The following ZBTB20 variants were observed in gnomAD, a reference collection of about 807,000 sequenced individuals.
The protein encoded by ZBTB20 is zinc finger and BTB domain containing 20.
In ZBTB20, 9 loss-of-function variants were observed where a neutral mutation model predicts 56.9. The observed-to-expected ratio is 0.16, with a 90% CI of 0.10 to 0.28. The LOEUF is 0.28. ZBTB20 is among the 10% of genes least tolerant of loss of function. The pLI is 1.00. For synonymous variants in ZBTB20, 417 were observed against 420.7 expected (o/e 0.99, Z 0.11); for missense variants, 655 against 1,003.0 (o/e 0.65, Z 4.69).
chr3:114,469,164 T>C (rs958658733), intron 7 of ZBTB20, among the ~76,000 whole-genome samples: 3 of 152,154 alleles, frequency 2.0e-5, no homozygotes, highest in Non-Finnish European at 4.4e-5. Flanking sequence ...CATAGGCCAC[T>C]GATTTGTAAC....
chr3:114,544,473 CTTTCTTTT>C (rs1449406541), intron 6 of ZBTB20, among the ~76,000 whole-genome samples: 1 of 86,522 alleles, frequency 1.2e-5, no homozygotes, highest in African/African-American at 4.4e-5. Flanking sequence ...TTCTTTCTTT[CTTTCTTTT>C]TCTTTCACTT....
At chr3:114,667,105 C>T (rs1262871203) in intron 6 of ZBTB20, among the ~76,000 whole-genome samples, 3 of 151,908 alleles carry the variant, frequency 2.0e-5, no homozygotes, top group African/African-American at 4.8e-5. Context: ...CCATCTATGC[C>T]TGAGGTTGCA....
intron 7 of ZBTB20, among the ~76,000 whole-genome samples, chr3:114,482,955 C>A (rs765873166): frequency 6.6e-6 from 1 of 152,130 alleles, no homozygotes; most frequent in African/African-American, 2.4e-5. Context: ...ATACTATAGA[C>A]CTGCAGCACA....
intron 1 of ZBTB20, among the ~76,000 whole-genome samples, chr3:115,109,964 C>T (rs990196793): frequency 6.6e-6 from 1 of 152,142 alleles, no homozygotes; most frequent in African/African-American, 2.4e-5. Context: ...AATCCCAGCA[C>T]TTTGGGAGGC....
chr3:114,484,462 G>A (rs1277318701), intron 7 of ZBTB20, among the ~76,000 whole-genome samples: 1 of 152,190 alleles, frequency 6.6e-6, no homozygotes, highest in Non-Finnish European at 1.5e-5. Flanking sequence ...GGCTCTGTCT[G>A]TCTGGACCAG....
chr3:114,753,479 G>C (rs1318566174), intron 5 of ZBTB20, among the ~76,000 whole-genome samples: 1 of 89,160 alleles, frequency 1.1e-5, no homozygotes, highest in Admixed American at 1.5e-4. Context: ...TTGTTCCCCA[G>C]GCTGGAGTGC....
At chr3:115,114,623 T>C (rs2083968394) in intron 1 of ZBTB20, among the ~76,000 whole-genome samples, 1 of 152,154 alleles carries the variant, frequency 6.6e-6, no homozygotes, top group Non-Finnish European at 1.5e-5. Flanking sequence ...AATATGCCAA[T>C]ATATTTTTGT....
intron 1 of ZBTB20, among the ~76,000 whole-genome samples, chr3:115,090,961 T>G (rs1011376661): frequency 1.3e-5 from 2 of 151,870 alleles, no homozygotes; most frequent in East Asian, 3.9e-4. Flanking sequence ...TGAATCAAAC[T>G]CAAAATAGCA....
chr3:114,955,623 A>G (rs958002066), intron 3 of ZBTB20, among the ~76,000 whole-genome samples: 6 of 152,152 alleles, frequency 3.9e-5, no homozygotes, highest in African/African-American at 1.4e-4. Context: ...TCCATGCAAG[A>G]TATTTCTCAC....
At chr3:114,398,458 A>C (rs1177008882) in intron 7 of ZBTB20, among the ~76,000 whole-genome samples, 1 of 152,118 alleles carries the variant, frequency 6.6e-6, no homozygotes, top group Non-Finnish European at 1.5e-5. Flanking sequence ...TTCCATCACA[A>C]TATTGGGAAG....
intron 3 of ZBTB20, among the ~76,000 whole-genome samples, chr3:114,912,559 C>T (rs934020048): frequency 2.6e-5 from 4 of 151,818 alleles, no homozygotes; most frequent in African/African-American, 7.3e-5. Context: ...CACATAAAGG[C>T]AAATGGAGTA....
At chr3:115,110,628 T>C (rs1211073918) in intron 1 of ZBTB20, among the ~76,000 whole-genome samples, 1 of 152,240 alleles carries the variant, frequency 6.6e-6, no homozygotes, top group Non-Finnish European at 1.5e-5. Context: ...ATTGGGTATT[T>C]CAAAATTGTC....
In ZBTB20 at chr3:115,129,191, C is replaced by T. The variant is rs115342241; in HGVS notation, c.-703+18028G>A. 6.7e-3 allele frequency among the ~76,000 whole-genome samples: 1,019 copies of T among 152,126 alleles called. 13 individuals carry two copies. Among genetic ancestry groups the T allele is most frequent in the African/African-American group, 0.023 (960 of 41,522 alleles). On this transcript the variant is annotated intron_variant, in intron 1 of 11. Coordinates refer to ENST00000675478, the MANE Select transcript of ZBTB20 (RefSeq NM_001348800.3). ...TCTGAAGAAGATTAAACTAGTTAAA[C>T]ATATTTTTTAAGAATATTTATGAAA...
At chr3:115,010,218 A>C (rs1353448339) in intron 2 of ZBTB20, among the ~76,000 whole-genome samples, 1 of 151,966 alleles carries the variant, frequency 6.6e-6, no homozygotes, top group African/African-American at 2.4e-5. Context: ...AGAGAAGTAC[A>C]CAGGCCTGGC....
intron 6 of ZBTB20, chr3:114,518,453 G>A (rs1332346694): frequency 6.6e-6 from 1 of 152,142 alleles, no homozygotes; most frequent in Non-Finnish European, 1.5e-5. Flanking sequence ...CCGTTTTGAG[G>A]TTCATAAACT....
intron 5 of ZBTB20, among the ~76,000 whole-genome samples, chr3:114,694,045 T>G (rs1318766292): frequency 6.6e-6 from 1 of 152,124 alleles, no homozygotes; most frequent in African/African-American, 2.4e-5. Context: ...TTATAAATAT[T>G]GTGGCAATGG....
intron 1 of ZBTB20, among the ~76,000 whole-genome samples, chr3:115,093,733 G>A (rs1324702591): frequency 2.6e-5 from 4 of 152,026 alleles, no homozygotes; most frequent in South Asian, 2.1e-4. Flanking sequence ...TCACAACTCC[G>A]AACCCAAGAA....
At chr3:115,053,520 G>A (rs567547783) in intron 2 of ZBTB20, among the ~76,000 whole-genome samples, 1 of 152,280 alleles carries the variant, frequency 6.6e-6, no homozygotes, top group South Asian at 2.1e-4. Context: ...GCTTATTTAA[G>A]TGGAATAGTG....
Position 114,476,528 on chromosome 3 carries a change from G to A in ZBTB20, c.-255+23824C>T, listed in dbSNP as rs2040789195. Among the ~76,000 whole-genome samples, 3 of 152,166 alleles carry A rather than the reference G, an allele frequency of 2.0e-5. No individual in the cohort carries two copies. The South Asian group carries it at 6.2e-4, about 32-fold the overall frequency. On this transcript the variant is annotated intron_variant, in intron 7 of 11. Coordinates refer to ENST00000675478, the MANE Select transcript of ZBTB20 (RefSeq NM_001348800.3). ...GTATGAAGGTACTGGCATCTGGTGA[G>A]GGCCTTCTTGCTAGATCATCCCATG... is the stretch of plus-strand genomic sequence containing the variant.
Sources: gnomAD v4.1 joint callset for allele counts (sites outside exome capture counted in the v4.1 genomes callset) on GRCh38, gnomAD v4.1.1 for gene constraint, MANE v1.5 for transcripts, NCBI Gene and HGNC (gene_info 2026-07-23, HGNC 2026-07-21) for gene names.